SF3A2: variants seen among roughly 807,000 people sequenced by gnomAD.
SF3A2 encodes the protein SAP 62.
In SF3A2, 5 loss-of-function variants were observed where a neutral mutation model predicts 31.1. The observed-to-expected ratio is 0.16, with a 90% confidence interval of 0.08 to 0.34. The LOEUF (loss-of-function observed/expected upper bound fraction) is 0.34, where lower values mean the gene tolerates loss of function less well. Ranked by LOEUF, SF3A2 falls within the 10% of genes least tolerant of loss-of-function variation. SF3A2 has a pLI of 1.00. For missense variants in SF3A2, 577 were observed against 643.9 expected, an observed-to-expected ratio of 0.90 and a Z score of 1.13; for synonymous variants, 365 against 263.7, an observed-to-expected ratio of 1.38 and a Z score of -3.72.
At chr19:2,243,118 G>T (rs1272211563) in intron 1 of SF3A2, among the ~76,000 whole-genome samples, 1 of 152,104 alleles carries the variant, frequency 6.6e-6, no homozygotes, top group African/African-American at 2.4e-5. Context: ...GGGCTGGAGC[G>T]GCTTCCTCTC....
In SF3A2 at chr19:2,242,287, G is replaced by A. The variant is rs548896595; in HGVS notation, c.-37-1095G>A. ...GATGACACGGCTGTATCAGCTTCTG[G>A]TTCTGGGGTCAGAGTCCAAACAGTC... On this transcript the variant is annotated intron_variant, in intron 1 of 8. Coordinates refer to ENST00000221494, the MANE Select transcript of SF3A2 (RefSeq NM_007165.5). Among the ~76,000 whole-genome samples, 7 of 152,368 alleles carry A rather than the reference G, an allele frequency of 4.6e-5. No homozygotes were observed. In the East Asian group the frequency reaches 9.6e-4, roughly 21 times the overall value.
In SF3A2 at chr19:2,246,390, G is replaced by A. The variant is rs2024933093; in HGVS notation, c.356-363G>A. Among the ~76,000 whole-genome samples the A allele has an allele frequency of 6.6e-6, 1 of 152,156 alleles. No individual in the cohort carries two copies. Among genetic ancestry groups the A allele is most frequent in the Admixed American group, 6.5e-5 (1 of 15,282 alleles). On this transcript the variant is annotated intron_variant, in intron 5 of 8. Coordinates refer to ENST00000221494, the MANE Select transcript of SF3A2 (RefSeq NM_007165.5). The surrounding 1 kb of genome is among the most constrained non-coding windows in gnomAD (Gnocchi z 5.5). Reference sequence around the variant, plus strand: ...TCACCGTATACATGGTGTCAGCCCTGTTCAGGCGGCCCCGCTCGAATCCCA... The same window carrying A: ...TCACCGTATACATGGTGTCAGCCCTATTCAGGCGGCCCCGCTCGAATCCCA...
At chr19:2,244,351 C>T (rs2024914623) in intron 2 of SF3A2, among the ~76,000 whole-genome samples, 193 bp from the exon 3 acceptor site, 1 of 152,212 alleles carries the variant, frequency 6.6e-6, no homozygotes, top group African/African-American at 2.4e-5. Context: ...GGTGGTGACA[C>T]CCGTGCTCAC....
At chr19:2,243,911 C>T (rs2024910566) in intron 2 of SF3A2, among the ~76,000 whole-genome samples, 1 of 152,190 alleles carries the variant, frequency 6.6e-6, no homozygotes, top group Non-Finnish European at 1.5e-5. Context: ...GCACCGTGGA[C>T]ATCGGGGCTG....
intron 7 of SF3A2, chr19:2,247,337 C>G (rs571701980): frequency 1.7e-6 from 1 of 574,224 alleles, no homozygotes; most frequent in East Asian, 2.9e-5. Context: ...GTCCCCATGC[C>G]TGGACAGGGC....
intron 8 of SF3A2, 28 bp from the exon 9 acceptor site, chr19:2,247,739 C>G: frequency 6.2e-7 from 1 of 1,611,626 alleles, no homozygotes. Flanking sequence ...CCCACCCGTG[C>G]CTGCTGAACC....
intron 1 of SF3A2, chr19:2,237,743 TC>T (rs1273887876): frequency 6.6e-6 from 1 of 152,178 alleles, no homozygotes; most frequent in Non-Finnish European, 1.5e-5. Flanking sequence ...GAGCCTCAGT[TC>T]CCTTAAAATG....
At position 2,248,023 on chromosome 19, in the gene SF3A2, C is replaced by A; in HGVS notation, c.872C>A (p.Ala291Asp). 2 of 970,324 alleles carry A rather than the reference C, an allele frequency of 2.1e-6. No homozygotes were observed. Among genetic ancestry groups the A allele is most frequent in the Non-Finnish European group, 3.2e-6 (2 of 632,394 alleles). The allele number at this position is 970,324 out of a possible 1,614,324, so 60.1% of individuals were successfully genotyped here. The change falls in exon 9 of 9, where the codon GCC (alanine) becomes GAC (aspartate). Residue 291 changes from alanine to aspartate, a missense_variant. Physicochemically the swap from Ala to Asp is moderately radical, Grantham distance 126. Transcript: ENST00000221494. ...CCAGCTCCAGGGGTCCACCCCCCGG[C>A]CCCAGTGGTGCATCCCCCTGCATCT... is the stretch of plus-strand genomic sequence containing the variant. ...PPPAPGVHPP[A>D]PVVHPPASGV...
At chr19:2,241,520 C>T (rs1387603731) in intron 1 of SF3A2, among the ~76,000 whole-genome samples, 1 of 152,224 alleles carries the variant, frequency 6.6e-6, no homozygotes, top group Non-Finnish European at 1.5e-5. Flanking sequence ...CCGGGCGGCA[C>T]CCACACAATC....
In SF3A2 at chr19:2,247,305, G is replaced by A. The variant is rs1245872356; in HGVS notation, c.546+283G>A. The A allele has an allele frequency of 2.2e-5, 12 of 551,606 alleles. No individual in the cohort carries two copies. In the Admixed American group the frequency reaches 3.3e-4, roughly 15 times the overall value. 34.2% of individuals were successfully genotyped at this position (551,606 alleles called of 1,614,324 possible). ...GTGACCTCACTTCCTGGGCCAGGCT[G>A]CTGGAGGGCTTCCTACAGCCTGTCC... On this transcript the variant is annotated intron_variant, in intron 7 of 8. Transcript: ENST00000221494.
chr19:2,244,453 G>A, intron 2 of SF3A2, 91 bp from the exon 3 acceptor site: 1 of 973,964 alleles, frequency 1.0e-6, no homozygotes, highest in South Asian at 1.4e-5. Context: ...CTGCCTCCAT[G>A]CCTCTACAGA....
rs375317661 is a variant in SF3A2 at position 2,246,834 on chromosome 19, C to T, written c.405+32C>T. The T allele has an allele frequency of 6.2e-6, 10 of 1,613,540 alleles. No homozygotes were observed. Among genetic ancestry groups the T allele is most frequent in the South Asian group, 1.1e-5 (1 of 91,088 alleles). On this transcript the variant is annotated intron_variant, in intron 6 of 8. Coordinates refer to ENST00000221494, the MANE Select transcript of SF3A2 (RefSeq NM_007165.5). The surrounding 1 kb of genome is among the most constrained non-coding windows in gnomAD (Gnocchi z 5.5). ...TCAGGGACTTGGGCGTGGGGGGCGGCCAAAGGCACCCAAGAGGCGGCTCTG... is the reference window on the plus strand; with the variant it reads ...TCAGGGACTTGGGCGTGGGGGGCGGTCAAAGGCACCCAAGAGGCGGCTCTG...
At position 2,246,560 on chromosome 19, in the gene SF3A2, C is replaced by T. The variant is rs188732034; in HGVS notation, c.356-193C>T. On this transcript the variant is annotated intron_variant, in intron 5 of 8. Coordinates refer to ENST00000221494, the MANE Select transcript of SF3A2 (RefSeq NM_007165.5). This position sits in a 1 kb window ranked among gnomAD's most constrained non-coding sequence, Gnocchi z 5.5. ...TGCCTGAGTGACTCCGCAGGTAGCT[C>T]AGCTCTGGCGCACCTGTGCCTTCAC... 8.3e-4 allele frequency among the ~76,000 whole-genome samples: 126 copies of T among 152,230 alleles called. No homozygotes were observed. Among genetic ancestry groups the T allele is most frequent in the African/African-American group, 2.7e-3 (112 of 41,530 alleles).
chr19:2,242,252 C>T (rs1309654786), intron 1 of SF3A2, among the ~76,000 whole-genome samples: 1 of 152,252 alleles, frequency 6.6e-6, no homozygotes, highest in African/African-American at 2.4e-5. Flanking sequence ...ACTGCAGACG[C>T]AGTAGTTCAG....
intron 1 of SF3A2, among the ~76,000 whole-genome samples, chr19:2,240,190 G>A (rs543694075): frequency 3.9e-5 from 6 of 152,296 alleles, no homozygotes; most frequent in South Asian, 2.1e-4. Flanking sequence ...CCCCCGGGGT[G>A]GGGGGCGTCC....
At chr19:2,237,960 G>C (rs749938720) in intron 1 of SF3A2, 3 of 152,228 alleles carry the variant, frequency 2.0e-5, no homozygotes, top group Non-Finnish European at 4.4e-5. Context: ...CAATGGTCTA[G>C]TCCCAGGTCC....
chr19:2,244,595 C>T lies in SF3A2; in HGVS notation c.178C>T (p.Leu60=), dbSNP rs1277436659. 4 of 1,614,014 alleles carry T rather than the reference C, an allele frequency of 2.5e-6. No homozygotes were observed. The highest frequency in any genetic ancestry group is 1.3e-5 in the African/African-American group (1 of 74,936). ...GGGCTCCTATGAATGCAAACTCTGCCTGACACTTCACAACAATGAGGTGCG... is the reference window on the plus strand; with the variant it reads ...GGGCTCCTATGAATGCAAACTCTGCTTGACACTTCACAACAATGAGGTGCG... ...HLGSYECKLC[L]TLHNNEGSYL... is the part of the protein sequence containing the mutation. Residue 60 remains leucine, a synonymous_variant, in exon 3 of 9, where the codon CTG becomes TTG. Coordinates refer to ENST00000221494, the MANE Select transcript of SF3A2 (RefSeq NM_007165.5).
At chr19:2,239,307 G>C (rs1332261833) in intron 1 of SF3A2, among the ~76,000 whole-genome samples, 1 of 146,202 alleles carries the variant, frequency 6.8e-6, no homozygotes, top group Non-Finnish European at 1.5e-5. Context: ...GGAGGTTGCA[G>C]TGAGCCAAGA....
chr19:2,248,459 C>T lies in SF3A2; in HGVS notation c.1308C>T (p.His436=), dbSNP rs770187090. ...PGVHPSNPGV[H]PPTPMPPMLR... ...TTCACCCCTCAAATCCTGGGGTGCA[C>T]CCCCCAACTCCCATGCCCCCAATGC... Residue 436 remains histidine, a synonymous_variant, in exon 9 of 9, where the codon CAC becomes CAT. Coordinates refer to ENST00000221494, the MANE Select transcript of SF3A2 (RefSeq NM_007165.5). The T allele has an allele frequency of 8.1e-7, 1 of 1,227,122 alleles. No individual in the cohort carries two copies. The highest frequency in any genetic ancestry group is 1.1e-6 in the Non-Finnish European group (1 of 947,318). 76.0% of individuals were successfully genotyped at this position (1,227,122 alleles called of 1,614,324 possible).
Sources: allele counts gnomAD v4.1 joint callset (sites outside exome capture counted in the v4.1 genomes callset), GRCh38; gene constraint gnomAD v4.1.1; non-coding constraint Gnocchi (gnomAD v3.1); transcripts MANE v1.5; gene names NCBI Gene and HGNC (gene_info 2026-07-23, HGNC 2026-07-21).